The following FHIT variants were observed in gnomAD, a reference collection of about 807,000 sequenced individuals.
FHIT encodes bis(5'-adenosyl)-triphosphatase.
In FHIT, 19 loss-of-function variants were observed where a neutral mutation model predicts 17.9. The ratio of observed to expected loss-of-function variants is 1.06; its 90% CI spans 0.74 to 1.56. The LOEUF (loss-of-function observed/expected upper bound fraction) is 1.56, where lower values mean the gene tolerates loss of function less well. Among genes scored for constraint, FHIT ranks in the 40% most tolerant of loss-of-function variants. The probability of loss-of-function intolerance (pLI) is 0.00; values close to 1 mark genes in which losing one functional copy is unlikely to be tolerated. For synonymous variants in FHIT, 81 were observed against 69.7 expected, an observed-to-expected ratio of 1.16 and a Z score of -0.81; for missense variants, 248 against 189.2, an observed-to-expected ratio of 1.31 and a Z score of -1.82.
chr3:60,776,955 G>A (rs1254631842), intron 4 of FHIT, among the ~76,000 whole-genome samples: 11 of 152,184 alleles, frequency 7.2e-5, no homozygotes, highest in African/African-American at 2.7e-4. Context: ...ATTCAACCAA[G>A]GGTATTATAT....
chr3:59,934,264 G>T (rs1706120332), intron 7 of FHIT, among the ~76,000 whole-genome samples: 1 of 152,080 alleles, frequency 6.6e-6, no homozygotes, highest in Non-Finnish European at 1.5e-5. Flanking sequence ...TAAGGCCGAG[G>T]AACGTGGAAT....
At chr3:60,646,373 C>A (rs925775544) in intron 4 of FHIT, among the ~76,000 whole-genome samples, 2 of 152,106 alleles carry the variant, frequency 1.3e-5, no homozygotes, top group Admixed American at 6.5e-5. Flanking sequence ...ATTTGAAAAA[C>A]AACCGTGTAA....
At chr3:60,815,289 G>A (rs1701700589) in intron 4 of FHIT, among the ~76,000 whole-genome samples, 1 of 151,996 alleles carries the variant, frequency 6.6e-6, no homozygotes. Flanking sequence ...TGCTTTTGAG[G>A]ACTTAGTCAT....
chr3:61,211,351 T>C (rs1576228790), intron 1 of FHIT, among the ~76,000 whole-genome samples: 2 of 152,214 alleles, frequency 1.3e-5, no homozygotes, highest in African/African-American at 2.4e-5. Context: ...CAGAAGATTA[T>C]ATCCCACACC....
chr3:59,825,505 A>G (rs1700945623), intron 8 of FHIT, among the ~76,000 whole-genome samples: 1 of 152,190 alleles, frequency 6.6e-6, no homozygotes, highest in South Asian at 2.1e-4. Context: ...AGAGGACGAG[A>G]GAGAAGCTGA....
intron 2 of FHIT, among the ~76,000 whole-genome samples, chr3:61,067,957 G>A (rs1414470090): frequency 1.3e-5 from 2 of 152,134 alleles, no homozygotes; most frequent in Non-Finnish European, 2.9e-5. Context: ...TTCTATTATT[G>A]TATAATGGTG....
At chr3:60,326,659 T>G (rs1378063421) in intron 5 of FHIT, among the ~76,000 whole-genome samples, 1 of 151,978 alleles carries the variant, frequency 6.6e-6, no homozygotes, top group South Asian at 2.1e-4. Context: ...TTTCCCAGAG[T>G]GAATGGTAAT....
At chr3:60,882,754 CATT>C (rs1321606930) in intron 3 of FHIT, among the ~76,000 whole-genome samples, 1 of 152,056 alleles carries the variant, frequency 6.6e-6, no homozygotes, top group African/African-American at 2.4e-5. Flanking sequence ...CCATACCTAA[CATT>C]ATACTGAACA....
chr3:61,025,944 G>A lies in FHIT; in HGVS notation c.-111+16103C>T, dbSNP rs768961597. On this transcript the variant is annotated intron_variant, in intron 3 of 9. Coordinates refer to ENST00000492590, the MANE Select transcript of FHIT (RefSeq NM_002012.4). ...TAATTGTTAAATAAAAGTATATGTT[G>A]ATGTTTACCCTATTATATATTATTT... Among the ~76,000 whole-genome samples, 37 of 152,114 alleles carry A rather than the reference G, an allele frequency of 2.4e-4. No homozygotes were observed. The Middle Eastern group carries it at 0.01, about 42-fold the overall frequency.
intron 2 of FHIT, among the ~76,000 whole-genome samples, chr3:61,170,379 T>TA (rs770802666): frequency 2.0e-4 from 30 of 152,106 alleles, no homozygotes; most frequent in Non-Finnish European, 3.7e-4. Flanking sequence ...ATCTTTATTT[T>TA]AACCTTTATT....
chr3:60,980,388 T>C (rs1425370446), intron 3 of FHIT, among the ~76,000 whole-genome samples: 1 of 152,256 alleles, frequency 6.6e-6, no homozygotes, highest in Non-Finnish European at 1.5e-5. Context: ...GATCATTTGC[T>C]AAATGAGTGG....
chr3:60,193,542 A>T (rs1462134309), intron 5 of FHIT, among the ~76,000 whole-genome samples: 1 of 152,242 alleles, frequency 6.6e-6, no homozygotes, highest in Non-Finnish European at 1.5e-5. Context: ...GACAACTCTC[A>T]AACACAGGGA....
chr3:60,090,808 T>C (rs1000072432), intron 5 of FHIT, among the ~76,000 whole-genome samples: 1 of 152,172 alleles, frequency 6.6e-6, no homozygotes, highest in Non-Finnish European at 1.5e-5. Flanking sequence ...TGTTACTACT[T>C]CTTAGAAGCA....
chr3:60,571,057 G>T lies in FHIT; in HGVS notation c.-17-34078C>A, dbSNP rs115275974. Among the ~76,000 whole-genome samples, 940 of 152,156 alleles carry T rather than the reference G, an allele frequency of 6.2e-3. 11 individuals carry two copies. Among genetic ancestry groups the T allele is most frequent in the African/African-American group, 0.021 (889 of 41,518 alleles). ...GAACACTGAATAGAGGCTGGGCACA[G>T]TGGCTCTCACCTGTAATCCCAGCAC... On this transcript the variant is annotated intron_variant, in intron 4 of 9. Transcript: ENST00000492590.
chr3:60,062,010 TAC>T (rs1187077642), intron 5 of FHIT, among the ~76,000 whole-genome samples: 1 of 152,124 alleles, frequency 6.6e-6, no homozygotes, highest in East Asian at 1.9e-4. Flanking sequence ...CATGTCAGAG[TAC>T]AGAGACCTGA....
chr3:61,173,513 T>C (rs559369985), intron 2 of FHIT, among the ~76,000 whole-genome samples: 107 of 152,312 alleles, frequency 7.0e-4, no homozygotes, highest in South Asian at 6.8e-3. Flanking sequence ...CTCTGAAGGA[T>C]AGCATTTCAC....
At chr3:61,089,663 C>G (rs2106806247) in intron 2 of FHIT, among the ~76,000 whole-genome samples, 1 of 152,142 alleles carries the variant, frequency 6.6e-6, no homozygotes, top group South Asian at 2.1e-4. Flanking sequence ...AACTCTGGGG[C>G]AAGGAGAGAT....
intron 5 of FHIT, among the ~76,000 whole-genome samples, chr3:60,199,960 T>C (rs978385242): frequency 4.6e-5 from 7 of 152,178 alleles, no homozygotes; most frequent in African/African-American, 1.7e-4. Context: ...TAATATTCTT[T>C]TGTTGTACTA....
At chr3:61,036,320 C>A (rs1001595533) in intron 3 of FHIT, among the ~76,000 whole-genome samples, 19 of 151,066 alleles carry the variant, frequency 1.3e-4, no homozygotes, top group African/African-American at 4.0e-4. Context: ...GATCAGCCCC[C>A]CCTGATCTAA....
Sources: gnomAD v4.1 joint callset for allele counts (sites outside exome capture counted in the v4.1 genomes callset) on GRCh38, gnomAD v4.1.1 for gene constraint, MANE v1.5 for transcripts, NCBI Gene and HGNC (gene_info 2026-07-23, HGNC 2026-07-21) for gene names.